CLTRN: variants seen among roughly 807,000 people sequenced by gnomAD.
CLTRN encodes the protein collectrin, amino acid transport regulator.
Under a neutral mutation model 14.5 loss-of-function variants are expected in CLTRN, and 12 were observed. The ratio of observed to expected loss-of-function variants is 0.83; its 90% CI spans 0.53 to 1.34. CLTRN has a LOEUF of 1.34. CLTRN is among the 40% of genes most tolerant of loss of function. CLTRN has a pLI of 0.00. For missense variants in CLTRN, 154 were observed against 165.1 expected, an observed-to-expected ratio of 0.93 and a Z score of 0.37; for synonymous variants, 58 against 56.5, an observed-to-expected ratio of 1.03 and a Z score of -0.12.
At chrX:15,672,102 C>T (rs1348055727) in intron 1 of CLTRN, among the ~76,000 whole-genome samples, 3 of 111,755 alleles carry the variant, frequency 2.7e-5, no homozygotes, top group Non-Finnish European at 3.8e-5. Flanking sequence ...TAATCACTAC[C>T]GTTTGGAAAT....
intron 1 of CLTRN, among the ~76,000 whole-genome samples, chrX:15,673,051 T>C (rs1204588337): frequency 5.3e-5 from 6 of 112,358 alleles, no homozygotes; most frequent in Non-Finnish European, 7.5e-5. Flanking sequence ...ACAGTTTCCA[T>C]TGAGGGAATG....
chrX:15,631,917 G>T (rs1047773932), intron 5 of CLTRN, among the ~76,000 whole-genome samples: 13 of 112,192 alleles, frequency 1.2e-4, no homozygotes, highest in Non-Finnish European at 2.4e-4. Flanking sequence ...CTTTTACTAA[G>T]AATAATAAAA....
At chrX:15,629,946 A>C (rs1928652406) in intron 5 of CLTRN, among the ~76,000 whole-genome samples, 1 of 111,589 alleles carries the variant, frequency 9.0e-6, no homozygotes, top group African/African-American at 3.3e-5. Flanking sequence ...TCTCATAATA[A>C]GGAGCCTAAT....
chrX:15,646,458 A>ACCCCCCCCCCCCCCCCCC, intron 3 of CLTRN: 16 of 228,775 alleles, frequency 7.0e-5, no homozygotes, highest in Non-Finnish European at 9.6e-5. Flanking sequence ...AAAACCGCGC[A>ACCCCCCCCCCCCCCCCCC]CCCACCCCCC....
At chrX:15,629,973 T>C (rs1462191351) in intron 5 of CLTRN, among the ~76,000 whole-genome samples, 1 of 111,228 alleles carries the variant, frequency 9.0e-6, no homozygotes, top group Non-Finnish European at 1.9e-5. Flanking sequence ...AATCCAAATT[T>C]AAAAATGTTT....
At chrX:15,628,429 T>C (rs1016869753) in intron 5 of CLTRN, among the ~76,000 whole-genome samples, 5 of 112,042 alleles carry the variant, frequency 4.5e-5, no homozygotes, top group Admixed American at 9.5e-5. Context: ...TATGAGTGTA[T>C]ATGCACATAT....
chrX:15,654,804 C>T (rs766692004), intron 3 of CLTRN, among the ~76,000 whole-genome samples: 1 of 112,325 alleles, frequency 8.9e-6, no homozygotes, highest in Non-Finnish European at 1.9e-5. Flanking sequence ...AGTCCTCATT[C>T]GAATCTCAGT....
intron 3 of CLTRN, among the ~76,000 whole-genome samples, chrX:15,645,814 C>G (rs1430063367): frequency 8.9e-6 from 1 of 112,297 alleles, no homozygotes; most frequent in East Asian, 2.8e-4. Context: ...ATCAACATTG[C>G]CAATGCTAAA....
intron 5 of CLTRN, among the ~76,000 whole-genome samples, chrX:15,634,942 AAAATAAAT>A (rs200118112): frequency 1.2e-4 from 13 of 107,230 alleles, no homozygotes; most frequent in African/African-American, 3.4e-4. Flanking sequence ...ATAATAATAA[AAAATAAAT>A]AAATAAATAA....
chrX:15,627,912 G>A lies in CLTRN; in HGVS notation c.*59C>T. 1 of 893,250 alleles carries A rather than the reference G, an allele frequency of 1.1e-6. No individual in the cohort carries two copies. The highest frequency in any genetic ancestry group is 1.5e-6 in the Non-Finnish European group (1 of 686,068). The allele number at this position is 893,250 out of a possible 1,213,427, so 73.6% of individuals were successfully genotyped here. On this transcript the variant is annotated 3_prime_UTR_variant, in exon 6 of 6. Transcript: ENST00000380342. Reference sequence around the variant, plus strand: ...TGATCTGCTCTTGGTATTTCAGGATGCTCAGCAGTCACACAGAAACAAATG... The same window carrying A: ...TGATCTGCTCTTGGTATTTCAGGATACTCAGCAGTCACACAGAAACAAATG...
Position 15,644,560 on chromosome X carries a change from T to C in CLTRN, c.317+356A>G, listed in dbSNP as rs1929015732. ...ACCTTTTTTTAAAAAAAATTATCTT[T>C]TTAAAGTAAAGACTATATATTGACT... On this transcript the variant is annotated intron_variant, in intron 4 of 5. Coordinates refer to ENST00000380342, the MANE Select transcript of CLTRN (RefSeq NM_020665.6). 2.7e-5 allele frequency among the ~76,000 whole-genome samples: 3 copies of C among 111,839 alleles called. No homozygotes were observed. The South Asian group carries it at 1.1e-3, about 42-fold the overall frequency.
At chrX:15,638,124 T>C (rs1023671225) in intron 5 of CLTRN, among the ~76,000 whole-genome samples, 1 of 112,119 alleles carries the variant, frequency 8.9e-6, no homozygotes, top group Non-Finnish European at 1.9e-5. Flanking sequence ...AATCAAAGCA[T>C]CTCAAGATTA....
chrX:15,644,128 C>T (rs767136357), intron 4 of CLTRN, among the ~76,000 whole-genome samples: 3 of 111,761 alleles, frequency 2.7e-5, no homozygotes, highest in Non-Finnish European at 5.6e-5. Flanking sequence ...GTACAACTGT[C>T]GGGAAGTCGG....
chrX:15,655,727 C>A (rs1213332475), intron 3 of CLTRN, among the ~76,000 whole-genome samples: 1 of 111,923 alleles, frequency 8.9e-6, no homozygotes, highest in Non-Finnish European at 1.9e-5. Context: ...TGGCTAGGGA[C>A]ACCATCATAT....
intron 3 of CLTRN, among the ~76,000 whole-genome samples, chrX:15,655,855 A>G (rs937431845): frequency 8.9e-6 from 1 of 112,040 alleles, no homozygotes; most frequent in Non-Finnish European, 1.9e-5. Flanking sequence ...CTTAAAGACA[A>G]CTGTATCCTC....
chrX:15,634,490 C>T (rs1045812922), intron 5 of CLTRN, among the ~76,000 whole-genome samples: 3 of 109,928 alleles, frequency 2.7e-5, no homozygotes, highest in African/African-American at 9.9e-5. Flanking sequence ...CTATCACCAT[C>T]ATCATTATCA....
chrX:15,657,613 T>C (rs1929403937), intron 3 of CLTRN, among the ~76,000 whole-genome samples: 1 of 91,576 alleles, frequency 1.1e-5, no homozygotes, highest in Admixed American at 1.3e-4. Flanking sequence ...CATTGTGAGA[T>C]AACCAGTGGC....
At chrX:15,637,698 A>C (rs1290398868) in intron 5 of CLTRN, among the ~76,000 whole-genome samples, 1 of 112,140 alleles carries the variant, frequency 8.9e-6, no homozygotes, top group African/African-American at 3.2e-5. Flanking sequence ...CAAGATCATA[A>C]AATAATAGTA....
chrX:15,654,443 C>A (rs889782803), intron 3 of CLTRN, among the ~76,000 whole-genome samples: 3 of 112,467 alleles, frequency 2.7e-5, no homozygotes, highest in Non-Finnish European at 5.6e-5. Flanking sequence ...CTTAGAAATT[C>A]CTTTCAACAT....
Sources: gnomAD v4.1 joint callset for allele counts (sites outside exome capture counted in the v4.1 genomes callset) on GRCh38, gnomAD v4.1.1 for gene constraint, MANE v1.5 for transcripts, NCBI Gene and HGNC (gene_info 2026-07-23, HGNC 2026-07-21) for gene names.